The following HTR7 variants were observed in gnomAD, a reference collection of about 807,000 sequenced individuals.
HTR7 encodes 5-HT-7.
In HTR7, 16 loss-of-function variants were observed where a neutral mutation model predicts 34.0. The ratio of observed to expected loss-of-function variants is 0.47; its 90% CI spans 0.32 to 0.71. The LOEUF is 0.71. HTR7 is among the 30% of genes least tolerant of loss of function. The probability of loss-of-function intolerance (pLI) is 0.04; values close to 1 mark genes in which losing one functional copy is unlikely to be tolerated. For synonymous variants in HTR7, 265 were observed against 260.2 expected (o/e 1.02, Z -0.18); for missense variants, 504 against 625.5 (o/e 0.81, Z 2.07).
At chr10:90,820,574 G>A (rs1455604395) in intron 1 of HTR7, among the ~76,000 whole-genome samples, 1 of 152,172 alleles carries the variant, frequency 6.6e-6, no homozygotes, top group Non-Finnish European at 1.5e-5. Context: ...ACAGGAAGAA[G>A]ATCCCAAGCA....
intron 1 of HTR7, among the ~76,000 whole-genome samples, chr10:90,841,128 T>C (rs1332317688): frequency 1.3e-5 from 2 of 152,228 alleles, no homozygotes; most frequent in Non-Finnish European, 2.9e-5. Context: ...TAGGCATATT[T>C]GTCAACCTCT....
chr10:90,742,736 T>A (rs751006844), intron 3 of HTR7, among the ~76,000 whole-genome samples: 1 of 152,180 alleles, frequency 6.6e-6, no homozygotes, highest in Non-Finnish European at 1.5e-5. Context: ...TTGCCAAGGC[T>A]TTAATATATT....
In HTR7 at chr10:90,769,066, G is replaced by T. The variant is rs149655871; in HGVS notation, c.540-19472C>A. On this transcript the variant is annotated intron_variant, in intron 1 of 3. Transcript: ENST00000336152. ...CCAAAAAAAATCCTGCAATTACTAA[G>T]GGTGTGTGTCCCAGAGCCATCTTTG... Among the ~76,000 whole-genome samples the T allele has an allele frequency of 4.1e-3, 625 of 152,284 alleles. 2 individuals are homozygous for T. Among genetic ancestry groups the T allele is most frequent in the African/African-American group, 0.014 (593 of 41,570 alleles).
In HTR7 at chr10:90,749,362, T is replaced by G. The variant is rs150539409; in HGVS notation, c.772A>C (p.Met258Leu). 2 of 1,614,126 alleles carry G rather than the reference T, an allele frequency of 1.2e-6. No individual in the cohort carries two copies. Among genetic ancestry groups the G allele is most frequent in the Non-Finnish European group, 1.7e-6 (2 of 1,180,032 alleles). Residue 258 changes from methionine (M) to leucine (L), a missense_variant, in exon 2 of 4, where the codon ATG becomes CTG. This residue lies in a region of HTR7 where 154 missense variants were observed against 248.8 expected (regional missense o/e 0.62). Coordinates refer to ENST00000336152, the MANE Select transcript of HTR7 (RefSeq NM_019859.4). The surrounding 1 kb of genome is among the most constrained non-coding windows in gnomAD (Gnocchi z 4.2). ...GCAGCCTTGTAAATCTGGTAGTACA[T>G]GAAAAGCATGACGGACATGGGGATA... ...FYIPMSVMLF[M>L]YYQIYKAARK...
At chr10:90,827,060 C>A (rs1846089328) in intron 1 of HTR7, among the ~76,000 whole-genome samples, 1 of 151,246 alleles carries the variant, frequency 6.6e-6, no homozygotes, top group Non-Finnish European at 1.5e-5. Flanking sequence ...CACAAATATG[C>A]AAAAAATAAA....
intron 1 of HTR7, among the ~76,000 whole-genome samples, chr10:90,778,821 G>C (rs1376497223): frequency 6.6e-6 from 1 of 152,138 alleles, no homozygotes; most frequent in East Asian, 1.9e-4. Flanking sequence ...TTTTCCATGT[G>C]ATCTGCTTCT....
chr10:90,785,024 A>G (rs570282046), intron 1 of HTR7, among the ~76,000 whole-genome samples: 7 of 151,980 alleles, frequency 4.6e-5, no homozygotes, highest in African/African-American at 1.7e-4. Context: ...CTCCAGAAAG[A>G]CTCTCTGATC....
At chr10:90,818,893 G>T (rs966889905) in intron 1 of HTR7, among the ~76,000 whole-genome samples, 1 of 152,096 alleles carries the variant, frequency 6.6e-6, no homozygotes, top group Non-Finnish European at 1.5e-5. Context: ...CATGAGATCT[G>T]GTTGTTTAAA....
intron 1 of HTR7, among the ~76,000 whole-genome samples, chr10:90,785,107 C>T (rs1044215971): frequency 9.9e-5 from 15 of 152,180 alleles, no homozygotes; most frequent in African/African-American, 3.4e-4. Context: ...AAGTGACCTG[C>T]TGATTTGTCT....
At chr10:90,760,767 G>A (rs1844922466) in intron 1 of HTR7, among the ~76,000 whole-genome samples, 1 of 152,156 alleles carries the variant, frequency 6.6e-6, no homozygotes, top group South Asian at 2.1e-4. Flanking sequence ...TGTAATCCCA[G>A]CTACTTGGGA....
chr10:90,769,782 G>A (rs1845078023), intron 1 of HTR7, among the ~76,000 whole-genome samples: 1 of 152,078 alleles, frequency 6.6e-6, no homozygotes, highest in Admixed American at 6.5e-5. Context: ...AACTTTAACA[G>A]CAAAACCAGT....
chr10:90,750,876 C>A (rs1436563116), intron 1 of HTR7, among the ~76,000 whole-genome samples: 1 of 151,810 alleles, frequency 6.6e-6, no homozygotes. Context: ...CTCTAGAATT[C>A]TTTCCTTCAA....
chr10:90,771,984 CT>C (rs994607810), intron 1 of HTR7, among the ~76,000 whole-genome samples: 95 of 151,420 alleles, frequency 6.3e-4, no homozygotes, highest in South Asian at 3.5e-3. Flanking sequence ...TTTAAAATAA[CT>C]TTTTTTTTAG....
At chr10:90,764,113 A>G (rs1844981239) in intron 1 of HTR7, among the ~76,000 whole-genome samples, 1 of 152,200 alleles carries the variant, frequency 6.6e-6, no homozygotes, top group Non-Finnish European at 1.5e-5. Flanking sequence ...CAGGCTCACC[A>G]GAATCTATTG....
intron 1 of HTR7, among the ~76,000 whole-genome samples, chr10:90,853,058 C>T (rs1286839336): frequency 6.6e-6 from 1 of 151,896 alleles, no homozygotes; most frequent in African/African-American, 2.4e-5. Flanking sequence ...CTATATCCAC[C>T]ACCGAGATTA....
At chr10:90,780,667 G>A (rs1845294658) in intron 1 of HTR7, among the ~76,000 whole-genome samples, 1 of 152,030 alleles carries the variant, frequency 6.6e-6, no homozygotes, top group East Asian at 1.9e-4. Context: ...AACAGTGAGA[G>A]GCACAACACC....
At chr10:90,805,301 C>T (rs1021977607) in intron 1 of HTR7, among the ~76,000 whole-genome samples, 3 of 152,328 alleles carry the variant, frequency 2.0e-5, no homozygotes, top group South Asian at 4.1e-4. Context: ...GGACTCCACC[C>T]TGAAGCCAGT....
intron 1 of HTR7, among the ~76,000 whole-genome samples, chr10:90,777,019 T>G (rs1589446303): frequency 1.3e-5 from 2 of 152,328 alleles, no homozygotes; most frequent in East Asian, 1.9e-4. Flanking sequence ...GGAATGTTTT[T>G]GGGCTGAATA....
chr10:90,799,300 G>C (rs1845588164), intron 1 of HTR7, among the ~76,000 whole-genome samples: 1 of 152,026 alleles, frequency 6.6e-6, no homozygotes, highest in Non-Finnish European at 1.5e-5. Flanking sequence ...AGACTGATTT[G>C]AGTAATAAAA....
Sources: allele counts gnomAD v4.1 joint callset (sites outside exome capture counted in the v4.1 genomes callset), GRCh38; gene constraint gnomAD v4.1.1; regional missense constraint gnomAD v4.1.1; non-coding constraint Gnocchi (gnomAD v3.1); transcripts MANE v1.5; gene names NCBI Gene and HGNC (gene_info 2026-07-23, HGNC 2026-07-21).